The following RALGPS2 variants were observed in gnomAD, a reference collection of about 807,000 sequenced individuals.
RALGPS2 encodes the protein Ral GEF with PH domain and SH3 binding motif 2, also known as ras-specific guanine nucleotide-releasing factor RalGPS2.
RALGPS2 carries 43 observed loss-of-function variants against 86.8 expected under a neutral mutation model. The ratio of observed to expected loss-of-function variants is 0.50; its 90% CI spans 0.39 to 0.64. The LOEUF (loss-of-function observed/expected upper bound fraction) is 0.64. RALGPS2 is among the 30% of genes least tolerant of loss of function. RALGPS2 has a pLI of 0.00. For missense variants in RALGPS2, 536 were observed against 694.6 expected (o/e 0.77, Z 2.57); for synonymous variants, 243 against 231.3 (o/e 1.05, Z -0.46).
At chr1:178,783,330 A>T (rs1031747244) in intron 2 of RALGPS2, among the ~76,000 whole-genome samples, 1 of 152,132 alleles carries the variant, frequency 6.6e-6, no homozygotes, top group Admixed American at 6.5e-5. Context: ...GCAAAGAGAA[A>T]ATAGAATGAA....
chr1:178,849,693 A>G (rs1288046861), intron 8 of RALGPS2: 5 of 152,216 alleles, frequency 3.3e-5, no homozygotes, highest in Non-Finnish European at 7.3e-5. Flanking sequence ...AAAACAAAGA[A>G]TAATACCACT....
At chr1:178,765,688 G>T (rs1652469344) in intron 1 of RALGPS2, among the ~76,000 whole-genome samples, 1 of 152,102 alleles carries the variant, frequency 6.6e-6, no homozygotes, top group African/African-American at 2.4e-5. Flanking sequence ...GGGAGACAGG[G>T]GCTTATTTCG....
chr1:178,742,239 A>T (rs537351960), intron 1 of RALGPS2, among the ~76,000 whole-genome samples: 2 of 152,126 alleles, frequency 1.3e-5, no homozygotes, highest in African/African-American at 4.8e-5. Context: ...AAATATTAAG[A>T]CACAAATAGG....
intron 7 of RALGPS2, among the ~76,000 whole-genome samples, chr1:178,826,662 A>G (rs941731282): frequency 4.6e-5 from 7 of 152,184 alleles, no homozygotes; most frequent in African/African-American, 1.7e-4. Flanking sequence ...GTCCCCCTGA[A>G]AATGGTTAAT....
intron 9 of RALGPS2, among the ~76,000 whole-genome samples, chr1:178,878,107 A>G (rs979072856): frequency 6.6e-6 from 1 of 152,108 alleles, no homozygotes; most frequent in Non-Finnish European, 1.5e-5. Context: ...CCTCGTGACA[A>G]TTGACCAACT....
chr1:178,885,903 ATAT>A, intron 12 of RALGPS2, 63 bp from the exon 13 acceptor site: 1 of 1,323,150 alleles, frequency 7.6e-7, no homozygotes, highest in Non-Finnish European at 1.0e-6. Flanking sequence ...CTAAATCTTT[ATAT>A]AAAGAGCAGT....
intron 8 of RALGPS2, among the ~76,000 whole-genome samples, chr1:178,835,392 CTTTT>C (rs71297889): frequency 1.6e-5 from 2 of 122,040 alleles, no homozygotes. Flanking sequence ...TCTTTCTTTT[CTTTT>C]TTTTTTTTTT....
chr1:178,743,929 G>A (rs568313559), intron 1 of RALGPS2, among the ~76,000 whole-genome samples: 1 of 152,068 alleles, frequency 6.6e-6, no homozygotes, highest in East Asian at 1.9e-4. Flanking sequence ...TCTGTTAAAC[G>A]TTTAAGGAAG....
At chr1:178,856,420 TTTTTTTG>T (rs1657587758) in intron 8 of RALGPS2, among the ~76,000 whole-genome samples, 1 of 120,566 alleles carries the variant, frequency 8.3e-6, no homozygotes, top group Non-Finnish European at 1.7e-5. Context: ...TTTTTTTTTT[TTTTTTTG>T]AGAGATGAGG....
rs1558114586 is a variant in RALGPS2 at position 178,776,805 on chromosome 1, C to T, written c.41C>T (p.Ala14Val). ...GGGCAGGCAAGCAGTGTCAATATTGCAGCTACTGCTTCTGAGGTAAGATAT... is the reference window on the plus strand; with the variant it reads ...GGGCAGGCAAGCAGTGTCAATATTGTAGCTACTGCTTCTGAGGTAAGATAT... ...MNGQASSVNI[A>V]ATASEKSSSS... The change falls in exon 2 of 20, where the codon GCA becomes GTA. Residue 14 changes from alanine (A) to valine (V), a missense_variant. Ala to Val is a moderately conservative substitution (Grantham distance 64). This residue lies in a region of RALGPS2 where 43 missense variants were observed against 34.9 expected (regional missense o/e 1.23). Coordinates refer to ENST00000367635, the MANE Select transcript of RALGPS2 (RefSeq NM_152663.5). The T allele has an allele frequency of 1.6e-5, 26 of 1,612,718 alleles. No individual in the cohort carries two copies. The highest frequency in any genetic ancestry group is 2.0e-5 in the Non-Finnish European group (24 of 1,179,204).
intron 8 of RALGPS2, among the ~76,000 whole-genome samples, chr1:178,875,029 A>T (rs535487861): frequency 9.2e-5 from 14 of 151,854 alleles, no homozygotes; most frequent in Non-Finnish European, 1.9e-4. Flanking sequence ...GGGAGAATTC[A>T]AAGTAACACA....
rs1232223920 is a variant in RALGPS2 at position 178,885,208 on chromosome 1, A to C, written c.1037A>C (p.Tyr346Ser). ...HGHRKCHSLGYNFIHKMNTAE... is the reference protein window; with the variant it reads ...HGHRKCHSLGSNFIHKMNTAE... ...CATAGGAAGTGCCATAGTTTGGGTT[A>C]TAAGTCAGCATTTTTAATTTTATCT... Residue 346 changes from tyrosine (Y) to serine (S), a missense_variant, in exon 12 of 20, where the codon TAT (tyrosine) becomes TCT (serine). Around this residue, in one of 3 missense-constraint regions of RALGPS2, gnomAD observed 309 missense variants for 363.0 expected, o/e 0.85. Transcript: ENST00000367635. The C allele has an allele frequency of 6.2e-7, 1 of 1,601,976 alleles. No homozygotes were observed. Among genetic ancestry groups the C allele is most frequent in the Non-Finnish European group, 8.5e-7 (1 of 1,176,892 alleles).
Position 178,747,359 on chromosome 1 carries a change from T to C in RALGPS2, c.-84+21940T>C. ...TGTTCTGGTTTCACCACTATTGATA[T>C]TTTCTAATTGTGGTAGATGTACTGT... On this transcript the variant is annotated intron_variant, in intron 1 of 19. Transcript: ENST00000367635. The C allele has an allele frequency of 7.2e-6, 11 of 1,535,056 alleles. No individual in the cohort carries two copies. The Admixed American group carries it at 1.8e-4, about 26-fold the overall frequency.
intron 1 of RALGPS2, among the ~76,000 whole-genome samples, chr1:178,769,659 T>C (rs1270520504): frequency 6.6e-6 from 1 of 152,152 alleles, no homozygotes; most frequent in Non-Finnish European, 1.5e-5. Context: ...AGCAGTGATA[T>C]ACATAGACTG....
At position 178,843,424 on chromosome 1, in the gene RALGPS2, A is replaced by C. The variant is rs1656698441; in HGVS notation, c.607+9874A>C. 2.7e-5 allele frequency among the ~76,000 whole-genome samples: 4 copies of C among 150,570 alleles called. No homozygotes were observed. In the South Asian group the frequency reaches 8.6e-4, roughly 32 times the overall value. ...AAGATCAAAAAACCAAACACCACAT[A>C]TTCTCACTCATAGGTGGGAACTGAA... On this transcript the variant is annotated intron_variant, in intron 8 of 19. Coordinates refer to ENST00000367635, the MANE Select transcript of RALGPS2 (RefSeq NM_152663.5).
chr1:178,754,534 A>G (rs766948271), intron 1 of RALGPS2, among the ~76,000 whole-genome samples: 1 of 152,208 alleles, frequency 6.6e-6, no homozygotes, highest in Non-Finnish European at 1.5e-5. Context: ...TAAAGCACTC[A>G]GGCAGGCAGA....
intron 12 of RALGPS2, chr1:178,885,469 TA>T: frequency 2.8e-6 from 1 of 357,014 alleles, no homozygotes; most frequent in South Asian, 5.2e-5. Flanking sequence ...CCATCATAAA[TA>T]AAATCAGGAT....
rs567285498 is a variant in RALGPS2 at position 178,748,607 on chromosome 1, C to T, written c.-84+23188C>T. Among the ~76,000 whole-genome samples, 16 of 151,010 alleles carry T rather than the reference C, an allele frequency of 1.1e-4. No individual in the cohort carries two copies. The East Asian group carries it at 3.2e-3, about 30-fold the overall frequency. On this transcript the variant is annotated intron_variant, in intron 1 of 19. Coordinates refer to ENST00000367635, the MANE Select transcript of RALGPS2 (RefSeq NM_152663.5). ...GTGGCTCACGCCTGTAATCCCAGCA[C>T]TTTGGGAGGCTGAGGCAGGTGGATC...
chr1:178,812,009 G>C (rs544459928), intron 6 of RALGPS2, among the ~76,000 whole-genome samples: 5 of 152,268 alleles, frequency 3.3e-5, no homozygotes, highest in Admixed American at 1.3e-4. Context: ...GGGCAGAAAG[G>C]GGGAGTGAGC....
Sources: gnomAD v4.1 joint callset for allele counts (sites outside exome capture counted in the v4.1 genomes callset) on GRCh38, gnomAD v4.1.1 for gene constraint, gnomAD v4.1.1 regional missense constraint, MANE v1.5 for transcripts, NCBI Gene and HGNC (gene_info 2026-07-23, HGNC 2026-07-21) for gene names.